The following UBE2D2 variants were observed in gnomAD, a reference collection of about 807,000 sequenced individuals.
The protein encoded by UBE2D2 is ubiquitin-conjugating enzyme E2 D2.
Under a neutral mutation model 24.2 loss-of-function variants are expected in UBE2D2, and 2 were observed. The observed-to-expected ratio is 0.08, with a 90% CI of 0.03 to 0.26. UBE2D2 has a LOEUF of 0.26. Ranked by LOEUF, UBE2D2 falls within the 10% of genes least tolerant of loss-of-function variation. UBE2D2 has a pLI of 1.00. For synonymous variants in UBE2D2, 58 were observed against 56.5 expected, an observed-to-expected ratio of 1.03 and a Z score of -0.12; for missense variants, 44 against 177.6, an observed-to-expected ratio of 0.25 and a Z score of 4.28.
At chr5:139,572,393 G>C (rs1753368280) in intron 1 of UBE2D2, among the ~76,000 whole-genome samples, 1 of 152,088 alleles carries the variant, frequency 6.6e-6, no homozygotes. Context: ...GAGCTCAGGA[G>C]TTCAATACCA....
Position 139,626,818 on chromosome 5 carries a change from A to G in UBE2D2, c.*17A>G, listed in dbSNP as rs752811260. On this transcript the variant is annotated 3_prime_UTR_variant, in exon 7 of 7. Transcript: ENST00000398733. ...GCGATGTAATTAAAGAAATTATTGG[A>G]TAACCTCTACAAATAAAGATAGGGG... 11 of 1,607,230 alleles carry G rather than the reference A, an allele frequency of 6.8e-6. No homozygotes were observed. In the East Asian group the frequency reaches 2.2e-4, roughly 33 times the overall value.
chr5:139,596,041 G>A (rs1285284459), intron 1 of UBE2D2, among the ~76,000 whole-genome samples: 4 of 150,218 alleles, frequency 2.7e-5, no homozygotes, highest in Admixed American at 6.7e-5. Context: ...CTACAGGCGC[G>A]CGCCACCATG....
chr5:139,610,800 T>C (rs542526570), intron 2 of UBE2D2, among the ~76,000 whole-genome samples: 3 of 152,150 alleles, frequency 2.0e-5, no homozygotes, highest in African/African-American at 7.2e-5. Context: ...GAGGTTGAGC[T>C]GAGGTTGCGC....
At chr5:139,617,731 T>C (rs910643208) in intron 5 of UBE2D2, among the ~76,000 whole-genome samples, 2 of 152,150 alleles carry the variant, frequency 1.3e-5, no homozygotes, top group South Asian at 2.1e-4. Context: ...CCACCTCTTA[T>C]TAAATGAGGC....
At chr5:139,580,996 A>G (rs945670240) in intron 1 of UBE2D2, among the ~76,000 whole-genome samples, 2 of 152,224 alleles carry the variant, frequency 1.3e-5, no homozygotes, top group African/African-American at 2.4e-5. Flanking sequence ...GTACTTAATA[A>G]GAAATAAATT....
chr5:139,526,678 T>G (rs1752544874), intron 1 of UBE2D2: 1 of 151,962 alleles, frequency 6.6e-6, no homozygotes, highest in South Asian at 2.1e-4. Context: ...TCACCCACGG[T>G]GTGCCTGCAT....
At chr5:139,605,172 GA>G (rs774474401) in intron 2 of UBE2D2, among the ~76,000 whole-genome samples, 8 of 152,054 alleles carry the variant, frequency 5.3e-5, no homozygotes, top group Non-Finnish European at 8.8e-5. Context: ...TTTTAATGTT[GA>G]TATTTAGTAT....
At chr5:139,623,673 T>C (rs1754560533) in intron 6 of UBE2D2, 1 of 416,402 alleles carries the variant, frequency 2.4e-6, no homozygotes, top group Non-Finnish European at 4.3e-6. Flanking sequence ...TGACTCCTCT[T>C]GTCTACAAAA....
intron 1 of UBE2D2, among the ~76,000 whole-genome samples, chr5:139,542,369 G>C (rs1036520436): frequency 1.3e-5 from 2 of 151,898 alleles, no homozygotes; most frequent in African/African-American, 4.8e-5. Flanking sequence ...GATACAGTTT[G>C]TTTTGTTTTG....
intron 6 of UBE2D2, among the ~76,000 whole-genome samples, chr5:139,623,888 AC>A (rs1754565431): frequency 6.6e-6 from 1 of 151,884 alleles, no homozygotes; most frequent in Non-Finnish European, 1.5e-5. Context: ...AGAGACTTTT[AC>A]CATGTTGGCC....
In UBE2D2 at chr5:139,579,920, G is replaced by A. The variant is rs576036680; in HGVS notation, c.24+18105G>A. Reference sequence around the variant, plus strand: ...AAATTAGCCGGGCATGGTGGCACGCGCCTGTAATCCCAGCTACTCGGGAGG... The same window carrying A: ...AAATTAGCCGGGCATGGTGGCACGCACCTGTAATCCCAGCTACTCGGGAGG... On this transcript the variant is annotated intron_variant, in intron 1 of 6. Coordinates refer to ENST00000398733, the MANE Select transcript of UBE2D2 (RefSeq NM_003339.3). Among the ~76,000 whole-genome samples the A allele has an allele frequency of 2.7e-3, 412 of 152,014 alleles. 2 individuals are homozygous for A. The highest frequency in any genetic ancestry group is 8.7e-3 in the African/African-American group (360 of 41,488).
chr5:139,604,101 A>G (rs939011633), intron 2 of UBE2D2, among the ~76,000 whole-genome samples: 2 of 152,032 alleles, frequency 1.3e-5, no homozygotes, highest in Non-Finnish European at 2.9e-5. Context: ...TGCAAGTCAT[A>G]TATCTCATAA....
chr5:139,548,147 G>C (rs145240762), intron 1 of UBE2D2, among the ~76,000 whole-genome samples: 1 of 101,142 alleles, frequency 9.9e-6, no homozygotes, highest in South Asian at 3.0e-4. Flanking sequence ...CTGGGCGACA[G>C]AGCGAGACTC....
chr5:139,550,780 A>C (rs1752907065), intron 1 of UBE2D2, among the ~76,000 whole-genome samples: 1 of 151,974 alleles, frequency 6.6e-6, no homozygotes, highest in South Asian at 2.1e-4. Flanking sequence ...CTGCAGCTTC[A>C]CTCCTGAAGC....
At chr5:139,563,572 C>T (rs1342706808) in intron 1 of UBE2D2, among the ~76,000 whole-genome samples, 1 of 152,130 alleles carries the variant, frequency 6.6e-6, no homozygotes, top group African/African-American at 2.4e-5. Flanking sequence ...CCTGTAGAAG[C>T]TTGTCCTCTT....
At chr5:139,550,892 A>T (rs1339488332) in intron 1 of UBE2D2, among the ~76,000 whole-genome samples, 2 of 152,324 alleles carry the variant, frequency 1.3e-5, no homozygotes, top group South Asian at 4.1e-4. Flanking sequence ...TGTAGCACTC[A>T]TCATGAGAGT....
Position 139,561,786 on chromosome 5 carries a change from C to T in UBE2D2, c.-6C>T. 2 of 1,503,222 alleles carry T rather than the reference C, an allele frequency of 1.3e-6. No individual in the cohort carries two copies. Among genetic ancestry groups the T allele is most frequent in the Non-Finnish European group, 1.8e-6 (2 of 1,133,540 alleles). The allele number at this position is 1,503,222 out of a possible 1,614,324, so 93.1% of individuals were successfully genotyped here. A position where few individuals can be genotyped will look rare whatever the true frequency, so the allele number is the denominator to read the frequency against. Reference sequence around the variant, plus strand: ...CCCCGGGGGCCGCCGCCACCCGCCTCCCACCATGGCTCTGAAGAGAATCCA... The same window carrying T: ...CCCCGGGGGCCGCCGCCACCCGCCTTCCACCATGGCTCTGAAGAGAATCCA... On this transcript the variant is annotated 5_prime_UTR_variant, in exon 1 of 7. Transcript: ENST00000398733.
intron 1 of UBE2D2, among the ~76,000 whole-genome samples, chr5:139,574,838 G>A (rs1343467403): frequency 6.6e-6 from 1 of 151,990 alleles, no homozygotes; most frequent in African/African-American, 2.4e-5. Flanking sequence ...TTCCTTGTCT[G>A]TAGAATGGGA....
chr5:139,533,658 A>G (rs1752626397), intron 1 of UBE2D2, among the ~76,000 whole-genome samples: 1 of 150,996 alleles, frequency 6.6e-6, no homozygotes, highest in South Asian at 2.1e-4. Context: ...TCTCAAAAAA[A>G]AAAGAAAAGA....
Sources: allele counts gnomAD v4.1 joint callset (sites outside exome capture counted in the v4.1 genomes callset), GRCh38; gene constraint gnomAD v4.1.1; transcripts MANE v1.5; gene names NCBI Gene and HGNC (gene_info 2026-07-23, HGNC 2026-07-21).